Variants in TENM3 observed in about 807,000 individuals in gnomAD.
TENM3 encodes teneurin-3.
Under a neutral mutation model 255.1 loss-of-function variants are expected in TENM3, and 63 were observed. The observed-to-expected ratio is 0.25, with a 90% CI of 0.20 to 0.30. The LOEUF is 0.30. Among genes scored for constraint, TENM3 ranks in the 10% least tolerant of loss-of-function variants. TENM3 has a pLI of 1.00. For synonymous variants in TENM3, 1,306 were observed against 1,322.3 expected (o/e 0.99, Z 0.27); for missense variants, 2,929 against 3,461.1 (o/e 0.85, Z 3.86).
the TENM3 span, among the ~76,000 whole-genome samples, chr4:181,527,575 A>T: frequency 2.6e-5 from 4 of 151,486 alleles, no homozygotes; most frequent in Non-Finnish European, 5.9e-5. Context: ...GGCCATGGCC[A>T]GGCTGGTCTC....
chr4:182,179,466 T>C (rs1251117799), intron 1 of TENM3, among the ~76,000 whole-genome samples: 1 of 152,256 alleles, frequency 6.6e-6, no homozygotes, highest in Non-Finnish European at 1.5e-5. Context: ...TCGATTCAAC[T>C]GCTATATCCT....
chr4:181,755,211 T>A, the TENM3 span, among the ~76,000 whole-genome samples: 1 of 152,218 alleles, frequency 6.6e-6, no homozygotes, highest in Admixed American at 6.5e-5. Context: ...AAAGGCCTCC[T>A]AATCTTGTAT....
intron 12 of TENM3, among the ~76,000 whole-genome samples, chr4:182,708,775 G>A (rs1372195032): frequency 6.0e-5 from 9 of 148,816 alleles, no homozygotes; most frequent in East Asian, 2.0e-4. Context: ...TCCAGCCTGG[G>A]CGACAGAGCG....
At chr4:181,765,862 C>T in the TENM3 span, among the ~76,000 whole-genome samples, 2 of 152,090 alleles carry the variant, frequency 1.3e-5, no homozygotes, top group Admixed American at 6.5e-5. Context: ...AGATATAATA[C>T]AGTGTGGAAG....
chr4:181,570,060 A>G, the TENM3 span, among the ~76,000 whole-genome samples: 1 of 125,006 alleles, frequency 8.0e-6, no homozygotes, highest in East Asian at 2.2e-4. Context: ...TTTTTTTGAG[A>G]CGGAGTCTCG....
At chr4:182,153,179 G>A (rs1459784719) in intron 1 of TENM3, among the ~76,000 whole-genome samples, 1 of 151,854 alleles carries the variant, frequency 6.6e-6, no homozygotes, top group Non-Finnish European at 1.5e-5. Flanking sequence ...AAGGCAGCCT[G>A]AAAAAGAAAT....
the TENM3 span, among the ~76,000 whole-genome samples, chr4:181,596,632 C>G: frequency 1.3e-5 from 2 of 151,494 alleles, no homozygotes; most frequent in South Asian, 4.2e-4. Flanking sequence ...AAAATAAGAT[C>G]CTCATATATA....
At position 182,332,588 on chromosome 4, in the gene TENM3, G is replaced by C. The variant is rs150474015; in HGVS notation, c.232+8336G>C. 9.5e-3 allele frequency among the ~76,000 whole-genome samples: 1,448 copies of C among 152,132 alleles called. 16 individuals carry two copies. The highest frequency in any genetic ancestry group is 0.016 in the Non-Finnish European group (1,070 of 68,002). ...GGGCGCCTGTAATCCCAGCTACTTGGGAGGCTGGGGCAGGAGAATGGCGTG... is the reference window on the plus strand; with the variant it reads ...GGGCGCCTGTAATCCCAGCTACTTGCGAGGCTGGGGCAGGAGAATGGCGTG... On this transcript the variant is annotated intron_variant, in intron 2 of 27. Coordinates refer to ENST00000511685, the MANE Select transcript of TENM3 (RefSeq NM_001080477.4).
intron 3 of TENM3, among the ~76,000 whole-genome samples, chr4:182,552,087 G>T (rs1742097923): frequency 6.6e-6 from 1 of 151,578 alleles, no homozygotes; most frequent in African/African-American, 2.4e-5. Context: ...CTGTTCATCA[G>T]CTTGGGGCCT....
At chr4:182,148,492 C>T (rs1406761163) in intron 1 of TENM3, among the ~76,000 whole-genome samples, 3 of 152,052 alleles carry the variant, frequency 2.0e-5, no homozygotes, top group African/African-American at 7.2e-5. Flanking sequence ...ATGCAATATG[C>T]CTCAAGGCAT....
At chr4:181,506,501 A>AAGG in the TENM3 span, among the ~76,000 whole-genome samples, 1 of 152,170 alleles carries the variant, frequency 6.6e-6, no homozygotes, top group Non-Finnish European at 1.5e-5. Context: ...AGAATGCCTG[A>AAGG]AGGAACAAGA....
intron 1 of TENM3, among the ~76,000 whole-genome samples, chr4:182,223,736 T>C (rs1451882634): frequency 1.4e-5 from 2 of 142,418 alleles, no homozygotes; most frequent in Admixed American, 1.5e-4. Context: ...GGCATTTGCG[T>C]GTATGAATAT....
chr4:182,269,628 G>C (rs528777060), intron 1 of TENM3, among the ~76,000 whole-genome samples: 6 of 151,982 alleles, frequency 3.9e-5, no homozygotes, highest in Non-Finnish European at 7.4e-5. Context: ...CAAAACTAAG[G>C]GGACTAATCC....
Position 182,789,007 on chromosome 4 carries a change from C to T in TENM3, c.5305-86C>T. 22 of 1,185,178 alleles carry T rather than the reference C, an allele frequency of 1.9e-5. No individual in the cohort carries two copies. The highest frequency in any genetic ancestry group is 2.5e-5 in the Non-Finnish European group (22 of 863,712). 73.4% of individuals were successfully genotyped at this position (1,185,178 alleles called of 1,614,324 possible). A position where few individuals can be genotyped will look rare whatever the true frequency, so the allele number is the denominator to read the frequency against. ...TAATTTACTGACAAAGAGAATCAATCATCGTAAATGGTGTTTAAACAATAC... is the reference window on the plus strand; with the variant it reads ...TAATTTACTGACAAAGAGAATCAATTATCGTAAATGGTGTTTAAACAATAC... On this transcript the variant is annotated intron_variant, in intron 24 of 27. Transcript: ENST00000511685. This position sits in a 1 kb window ranked among gnomAD's most constrained non-coding sequence, Gnocchi z 4.4.
the TENM3 span, among the ~76,000 whole-genome samples, chr4:181,766,996 T>G: frequency 2.0e-5 from 3 of 150,884 alleles, no homozygotes; most frequent in East Asian, 2.0e-4. Flanking sequence ...CTCACGCCTG[T>G]AATCCCAGCA....
chr4:181,596,509 C>T, the TENM3 span, among the ~76,000 whole-genome samples: 1 of 152,082 alleles, frequency 6.6e-6, no homozygotes, highest in Non-Finnish European at 1.5e-5. Context: ...TGTATTCAGC[C>T]AACATGTAAG....
At chr4:182,639,797 A>G (rs1230491054) in intron 5 of TENM3, among the ~76,000 whole-genome samples, 1 of 152,212 alleles carries the variant, frequency 6.6e-6, no homozygotes, top group Non-Finnish European at 1.5e-5. Flanking sequence ...TTTTACAAAT[A>G]AAGAGTAATT....
chr4:182,481,854 C>T (rs142445327), intron 3 of TENM3, among the ~76,000 whole-genome samples: 1,708 of 152,282 alleles, frequency 0.011, 27 homozygotes, highest in African/African-American at 0.032. Context: ...TTACTTCTAA[C>T]AATAACTTAA....
intron 4 of TENM3, among the ~76,000 whole-genome samples, chr4:182,626,177 A>C (rs1328527095): frequency 6.6e-6 from 1 of 152,212 alleles, no homozygotes; most frequent in African/African-American, 2.4e-5. Context: ...GTGGTCCCTT[A>C]CAGCAAAAGT....
Sources: allele counts gnomAD v4.1 joint callset (sites outside exome capture counted in the v4.1 genomes callset), GRCh38; gene constraint gnomAD v4.1.1; non-coding constraint Gnocchi (gnomAD v3.1); transcripts MANE v1.5; gene names NCBI Gene and HGNC (gene_info 2026-07-23, HGNC 2026-07-21).